Variants in MMP26 observed in about 807,000 individuals in gnomAD.
MMP26 encodes matrix metallopeptidase 26.
A neutral mutation model predicts 31.0 loss-of-function variants in MMP26; 33 were observed. The observed-to-expected ratio is 1.06, with a 90% CI of 0.81 to 1.42. The LOEUF (loss-of-function observed/expected upper bound fraction) is 1.42, where lower values mean the gene tolerates loss of function less well. Among genes scored for constraint, MMP26 ranks in the 40% most tolerant of loss-of-function variants. The probability of loss-of-function intolerance (pLI) is 0.00; values close to 1 mark genes in which losing one functional copy is unlikely to be tolerated. For synonymous variants in MMP26, 122 were observed against 114.9 expected (o/e 1.06, Z -0.40); for missense variants, 347 against 316.1 (o/e 1.10, Z -0.74).
chr11:4,911,810 A>C (rs749045659), intron 2 of MMP26, among the ~76,000 whole-genome samples: 9 of 152,120 alleles, frequency 5.9e-5, no homozygotes, highest in Admixed American at 5.9e-4. Flanking sequence ...ATAGTTAATC[A>C]TTTACTGTGC....
intron 1 of MMP26, among the ~76,000 whole-genome samples, chr11:4,728,291 T>C (rs532508791): frequency 1.2e-4 from 19 of 152,388 alleles, no homozygotes; most frequent in African/African-American, 4.3e-4. Context: ...GTCTTCATAA[T>C]GAAGGCATGA....
intron 2 of MMP26, among the ~76,000 whole-genome samples, chr11:4,826,038 A>G (rs1233554629): frequency 6.6e-6 from 1 of 152,150 alleles, no homozygotes; most frequent in Non-Finnish European, 1.5e-5. Context: ...AGGGGCAACC[A>G]TTACCCCAAG....
rs373784834 is a variant in MMP26, at chr11:4,988,221, G to A, written c.10G>A (p.Val4Ile). 4.8e-5 allele frequency: 77 copies of A among 1,613,882 alleles called. No homozygotes were observed. The highest frequency in any genetic ancestry group is 5.2e-5 in the Non-Finnish European group (61 of 1,179,952). Reference sequence around the variant, plus strand: ...CAAATGAGGGTTTGGCATGCAGCTCGTCATCTTAAGAGTTACTATCTTCTT... The same window carrying A: ...CAAATGAGGGTTTGGCATGCAGCTCATCATCTTAAGAGTTACTATCTTCTT... MQL[V>I]ILRVTIFLPW... is the part of the protein sequence containing the mutation. The change falls in exon 3 of 8, where the codon GTC becomes ATC. Residue 4 changes from valine (V) to isoleucine (I), a missense_variant. By Grantham distance (29) the Val-to-Ile change is conservative (BLOSUM62 3). Coordinates refer to ENST00000380390, the MANE Select transcript of MMP26 (RefSeq NM_021801.5).
intron 2 of MMP26, among the ~76,000 whole-genome samples, chr11:4,814,185 G>T (rs143643048): frequency 2.0e-5 from 3 of 152,130 alleles, no homozygotes; most frequent in Non-Finnish European, 4.4e-5. Context: ...CTCATAAGTT[G>T]AATCTCTTGC....
At chr11:4,892,983 T>C (rs1039302802) in intron 2 of MMP26, among the ~76,000 whole-genome samples, 1 of 152,140 alleles carries the variant, frequency 6.6e-6, no homozygotes, top group Non-Finnish European at 1.5e-5. Context: ...CAGCCTGGAT[T>C]TAACCATCCG....
intron 2 of MMP26, chr11:4,795,188 G>A (rs1849088872): frequency 6.6e-6 from 1 of 152,178 alleles, no homozygotes; most frequent in African/African-American, 2.4e-5. Flanking sequence ...CATGAAAGAA[G>A]GGCAATATTA....
intron 2 of MMP26, chr11:4,821,743 G>A (rs746460158): frequency 1.2e-6 from 2 of 1,613,908 alleles, no homozygotes; most frequent in South Asian, 1.1e-5. Flanking sequence ...CTTTCTACAC[G>A]GATTTACTTT....
chr11:4,816,125 A>G (rs34721060), intron 2 of MMP26, among the ~76,000 whole-genome samples: 15,097 of 151,212 alleles, frequency 0.1, 919 homozygotes, highest in Middle Eastern at 0.17. Flanking sequence ...TTTTTTATCA[A>G]CCTGTTGGTT....
intron 2 of MMP26, chr11:4,769,471 C>T (rs1374400448): frequency 9.9e-6 from 16 of 1,613,284 alleles, no homozygotes; most frequent in African/African-American, 1.3e-5. Flanking sequence ...GTGTAATCAT[C>T]AGAAGACCCA....
intron 2 of MMP26, among the ~76,000 whole-genome samples, chr11:4,880,976 A>T (rs1850453101): frequency 6.6e-6 from 1 of 152,148 alleles, no homozygotes; most frequent in South Asian, 2.1e-4. Flanking sequence ...GTGTTATTCA[A>T]ATAATTTCAC....
chr11:4,843,930 GAAAT>G (rs1008873969), intron 2 of MMP26, among the ~76,000 whole-genome samples: 35 of 152,154 alleles, frequency 2.3e-4, no homozygotes, highest in African/African-American at 6.3e-4. Flanking sequence ...GATCAGAGCA[GAAAT>G]AAATAAAATT....
intron 1 of MMP26, among the ~76,000 whole-genome samples, chr11:4,759,246 A>C (rs1321642140): frequency 6.6e-6 from 1 of 152,188 alleles, no homozygotes; most frequent in Non-Finnish European, 1.5e-5. Flanking sequence ...TAATTAAAAC[A>C]ATTGTTATTA....
intron 2 of MMP26, among the ~76,000 whole-genome samples, chr11:4,768,618 A>T (rs1453501141): frequency 1.3e-5 from 2 of 152,188 alleles, no homozygotes; most frequent in Non-Finnish European, 2.9e-5. Context: ...CTGTTCCATC[A>T]TCTGTAATAT....
intron 2 of MMP26, among the ~76,000 whole-genome samples, chr11:4,959,237 CAAAAAAAA>C (rs57867455): frequency 1.3e-4 from 10 of 74,444 alleles, no homozygotes; most frequent in Non-Finnish European, 2.0e-4. Context: ...AACTCTGTCT[CAAAAAAAA>C]AAAAAAAAAA....
chr11:4,921,518 C>T (rs954245650), intron 2 of MMP26, among the ~76,000 whole-genome samples: 4 of 152,152 alleles, frequency 2.6e-5, no homozygotes, highest in Admixed American at 2.0e-4. Context: ...AGTGTAGTTA[C>T]GGAAGGTTTC....
At chr11:4,882,028 A>C in intron 2 of MMP26, 1 of 1,613,774 alleles carries the variant, frequency 6.2e-7, no homozygotes, top group Non-Finnish European at 8.5e-7. Flanking sequence ...CCCTCTTGGG[A>C]AACAGTATGA....
intron 2 of MMP26, among the ~76,000 whole-genome samples, chr11:4,768,314 T>A (rs1848658086): frequency 6.6e-6 from 1 of 152,220 alleles, no homozygotes; most frequent in African/African-American, 2.4e-5. Flanking sequence ...CACTGGATAG[T>A]GACTCACATG....
intron 1 of MMP26, among the ~76,000 whole-genome samples, chr11:4,762,164 A>C (rs1047937824): frequency 6.6e-6 from 1 of 152,200 alleles, no homozygotes; most frequent in Non-Finnish European, 1.5e-5. Context: ...ACACAAAATC[A>C]GTGGTCAGTA....
chr11:4,841,622 A>T (rs1420871549), intron 2 of MMP26, among the ~76,000 whole-genome samples: 3 of 152,216 alleles, frequency 2.0e-5, no homozygotes, highest in Non-Finnish European at 4.4e-5. Context: ...AATTTCCTCA[A>T]CACCAGACCT....
Sources: allele counts gnomAD v4.1 joint callset (sites outside exome capture counted in the v4.1 genomes callset), GRCh38; gene constraint gnomAD v4.1.1; transcripts MANE v1.5; gene names NCBI Gene and HGNC (gene_info 2026-07-23, HGNC 2026-07-21).